Variants in ASAH2B observed in about 807,000 individuals in gnomAD.
ASAH2B encodes N-acylsphingosine amidohydrolase 2B.
ASAH2B carries 1 observed loss-of-function variant against 2.9 expected under a neutral mutation model. The observed-to-expected ratio is 0.34, with a 90% CI of 0.12 to 1.63. The LOEUF is 1.63. Ranked by LOEUF, ASAH2B falls within the 40% of genes most tolerant of loss-of-function variation. The pLI is 0.36. For missense variants in ASAH2B, 9 were observed against 37.7 expected, an observed-to-expected ratio of 0.24 and a Z score of 1.99; for synonymous variants, 4 against 13.3, an observed-to-expected ratio of 0.30 and a Z score of 1.52.
At position 50,758,495 on chromosome 10, in the gene ASAH2B, CA is replaced by C. The variant is rs1837138471; in HGVS notation, c.*3756del. On this transcript the variant is annotated 3_prime_UTR_variant, in exon 6 of 6. Transcript: ENST00000647317. ...TGTGCATTTTTCACTGGGCAGGTGA[CA>C]GAACCAGGATATTTGCAAGCAGCCC... The C allele has an allele frequency of 6.9e-6, 1 of 144,336 alleles. No homozygotes were observed. The highest frequency in any genetic ancestry group is 2.0e-4 in the East Asian group (1 of 4,930). 8.9% of individuals were successfully genotyped at this position (144,336 alleles called of 1,614,324 possible).
At chr10:50,743,044 G>C in intron 2 of ASAH2B, 34 bp downstream of exon 2, 1 of 1,144,894 alleles carries the variant, frequency 8.7e-7, no homozygotes, top group Non-Finnish European at 1.2e-6. Context: ...GCGTGCGTGC[G>C]TGTGTGTGTG....
In ASAH2B at chr10:50,742,982, T is replaced by C; in HGVS notation, c.-32T>C. On this transcript the variant is annotated 5_prime_UTR_variant, in exon 2 of 6. Transcript: ENST00000647317. The stretch of plus-strand genomic sequence containing the variant: ...GCATTATCTGCTTACATTCAGCTCT[T>C]CAGAAACCTTGCTAAGGCTATTGCT... 6.2e-7 allele frequency: 1 copy of C among 1,614,088 alleles called. No homozygotes were observed. The highest frequency in any genetic ancestry group is 8.5e-7 in the Non-Finnish European group (1 of 1,179,992).
intron 2 of ASAH2B, 143 bp downstream of exon 2, chr10:50,743,153 T>G: frequency 1.2e-6 from 1 of 853,036 alleles, no homozygotes; most frequent in Non-Finnish European, 1.9e-6. Context: ...TTTACAAAAT[T>G]TATAGTTTTG....
chr10:50,744,865 T>A, intron 2 of ASAH2B: 1 of 492,986 alleles, frequency 2.0e-6, no homozygotes, highest in South Asian at 2.2e-5. Context: ...TGTACTCTGG[T>A]CACTGTCCTT....
chr10:50,755,855 G>C lies in ASAH2B; in HGVS notation c.*1115G>C, dbSNP rs1837076526. ...TAATCGATTTAATATGTAAATTCTG[G>C]GGAGGCATTTAAAAAATCAGTAATC... On this transcript the variant is annotated 3_prime_UTR_variant, in exon 6 of 6. Transcript: ENST00000647317. 1 of 151,744 alleles carries C rather than the reference G, an allele frequency of 6.6e-6. No individual in the cohort carries two copies. The highest frequency in any genetic ancestry group is 2.4e-5 in the African/African-American group (1 of 41,384). 9.4% of individuals were successfully genotyped at this position (151,744 alleles called of 1,614,324 possible). A position where few individuals can be genotyped will look rare whatever the true frequency, so the allele number is the denominator to read the frequency against.
At chr10:50,751,486 A>G (rs1839977702) in intron 4 of ASAH2B, among the ~76,000 whole-genome samples, 2 of 150,268 alleles carry the variant, frequency 1.3e-5, no homozygotes, top group East Asian at 2.0e-4. Context: ...AGCCCACCAT[A>G]TCTTCTCCAT....
chr10:50,751,579 A>G (rs1839979570), intron 4 of ASAH2B, among the ~76,000 whole-genome samples: 3 of 151,698 alleles, frequency 2.0e-5, no homozygotes, highest in Admixed American at 2.0e-4. Context: ...AAACTTCCTT[A>G]TTGAATGTAA....
chr10:50,752,926 A>G (rs1179894928), intron 5 of ASAH2B, among the ~76,000 whole-genome samples: 1 of 109,652 alleles, frequency 9.1e-6, no homozygotes, highest in African/African-American at 2.7e-5. Context: ...AGAGCTTGAT[A>G]TTTCTATAGG....
Position 50,754,140 on chromosome 10 carries a change from T to C in ASAH2B, c.294-411T>C, listed in dbSNP as rs1208861637. On this transcript the variant is annotated intron_variant, in intron 5 of 5. Transcript: ENST00000647317. ...TGTATTCATTTTCTATATATATATA[T>C]ACATATATATATGTATACACACACA... Among the ~76,000 whole-genome samples, 948 of 149,582 alleles carry C rather than the reference T, an allele frequency of 6.3e-3. 1 individual carries two copies. The highest frequency in any genetic ancestry group is 0.019 in the African/African-American group (777 of 40,222).
At chr10:50,740,206 C>T (rs533777136) in intron 1 of ASAH2B, among the ~76,000 whole-genome samples, 2 of 152,112 alleles carry the variant, frequency 1.3e-5, no homozygotes, top group Non-Finnish European at 2.9e-5. Flanking sequence ...GGAAGGTGTC[C>T]GGGAGACGTC....
intron 3 of ASAH2B, among the ~76,000 whole-genome samples, chr10:50,748,939 A>G (rs1839946379): frequency 6.6e-6 from 1 of 151,990 alleles, no homozygotes; most frequent in South Asian, 2.1e-4. Flanking sequence ...CATCTCTTAT[A>G]AAAATAAAAG....
At chr10:50,742,150 G>C (rs770307707) in intron 1 of ASAH2B, among the ~76,000 whole-genome samples, 5 of 152,176 alleles carry the variant, frequency 3.3e-5, no homozygotes, top group Non-Finnish European at 7.4e-5. Context: ...AGATCTGGGT[G>C]AGAAATGAGG....
At chr10:50,744,785 G>C (rs1249005104) in intron 2 of ASAH2B, 1 of 275,926 alleles carries the variant, frequency 3.6e-6, no homozygotes, top group African/African-American at 2.3e-5. Context: ...ACACTGTCAT[G>C]GTATAATTAT....
chr10:50,744,911 C>G (rs1839885027), intron 2 of ASAH2B, among the ~76,000 whole-genome samples: 3 of 150,968 alleles, frequency 2.0e-5, no homozygotes, highest in Admixed American at 2.0e-4. Flanking sequence ...TGCCTATGAC[C>G]AAAACTTTCT....
At chr10:50,741,090 G>T (rs1211858970) in intron 1 of ASAH2B, among the ~76,000 whole-genome samples, 1 of 152,190 alleles carries the variant, frequency 6.6e-6, no homozygotes, top group Non-Finnish European at 1.5e-5. Flanking sequence ...GTCCAGTATG[G>T]TAGCGACATG....
intron 1 of ASAH2B, among the ~76,000 whole-genome samples, chr10:50,741,687 C>T (rs1204951332): frequency 2.0e-5 from 3 of 151,962 alleles, no homozygotes; most frequent in South Asian, 2.1e-4. Flanking sequence ...AGTAAGTATG[C>T]GGAGGGTGAT....
rs1276206766 is a variant in ASAH2B at position 50,756,889 on chromosome 10, T to C, written c.*2149T>C. The C allele has an allele frequency of 6.6e-6, 1 of 151,768 alleles. No homozygotes were observed. Among genetic ancestry groups the C allele is most frequent in the East Asian group, 1.9e-4 (1 of 5,168 alleles). 9.4% of individuals were successfully genotyped at this position (151,768 alleles called of 1,614,324 possible). A position where few individuals can be genotyped will look rare whatever the true frequency, so the allele number is the denominator to read the frequency against. ...AGATCCAATTCGTGTCTGTGGATGC[T>C]GCAAGGACTGGCTCACTGGAGCCAA... On this transcript the variant is annotated 3_prime_UTR_variant, in exon 6 of 6. Transcript: ENST00000647317.
chr10:50,755,723 G>T lies in ASAH2B; in HGVS notation c.*983G>T, dbSNP rs1837073455. On this transcript the variant is annotated 3_prime_UTR_variant, in exon 6 of 6. Transcript: ENST00000647317. ...ACCCATTCAATCATAGAATATTTAA[G>T]ATTTATATGCCCAGAATTATAATAG... The T allele has an allele frequency of 6.7e-6, 1 of 149,380 alleles. No individual in the cohort carries two copies. Among genetic ancestry groups the T allele is most frequent in the Admixed American group, 6.8e-5 (1 of 14,730 alleles). The allele number at this position is 149,380 out of a possible 1,614,324, so 9.3% of individuals were successfully genotyped here. A position where few individuals can be genotyped will look rare whatever the true frequency, so the allele number is the denominator to read the frequency against.
chr10:50,756,813 C>T lies in ASAH2B; in HGVS notation c.*2073C>T, dbSNP rs1588937339. 6.6e-6 allele frequency: 1 copy of T among 151,864 alleles called. No individual in the cohort carries two copies. Among genetic ancestry groups the T allele is most frequent in the East Asian group, 1.9e-4 (1 of 5,150 alleles). 9.4% of individuals were successfully genotyped at this position (151,864 alleles called of 1,614,324 possible). A position where few individuals can be genotyped will look rare whatever the true frequency, so the allele number is the denominator to read the frequency against. On this transcript the variant is annotated 3_prime_UTR_variant, in exon 6 of 6. Coordinates refer to ENST00000647317, the MANE Select transcript of ASAH2B (RefSeq NM_001321958.2). ...TATCAATATCAGTTCTTTACCTGTG[C>T]ATAAAAGAATATCATGAAGTAATTG...
Sources: allele counts gnomAD v4.1 joint callset (sites outside exome capture counted in the v4.1 genomes callset), GRCh38; gene constraint gnomAD v4.1.1; transcripts MANE v1.5; gene names NCBI Gene and HGNC (gene_info 2026-07-23, HGNC 2026-07-21).